Variants in FGF13 observed in about 807,000 individuals in gnomAD.
FGF13 encodes the protein fibroblast growth factor 13, also known as fibroblast growth factor homologous factor 2.
In FGF13, 2 loss-of-function variants were observed where a neutral mutation model predicts 19.5. The ratio of observed to expected loss-of-function variants is 0.10; its 90% confidence interval spans 0.04 to 0.32. The LOEUF is 0.32. FGF13 is among the 10% of genes least tolerant of loss of function. The probability of loss-of-function intolerance (pLI) is 1.00; values close to 1 mark genes in which losing one functional copy is unlikely to be tolerated. For synonymous variants in FGF13, 72 were observed against 76.9 expected, an observed-to-expected ratio of 0.94 and a Z score of 0.33; for missense variants, 113 against 192.7, an observed-to-expected ratio of 0.59 and a Z score of 2.45.
intron 1 of FGF13, among the ~76,000 whole-genome samples, chrX:139,158,774 T>A (rs6654361): frequency 0.12 from 13,010 of 110,519 alleles, 1,287 homozygotes; most frequent in African/African-American, 0.33. Context: ...AGAAGATTAT[T>A]GAAACAAGAA....
Position 138,747,309 on chromosome X carries a change from C to T in FGF13, c.218-38381G>A, listed in dbSNP as rs762211202. On this transcript the variant is annotated intron_variant, in intron 3 of 6. Coordinates refer to the FGF13 transcript ENST00000436198. ...GAGTCAAAGTGCATCTCACAGCAATCGCTTTTTTCATGATTTTCTTCATTG... is the reference window on the plus strand; with the variant it reads ...GAGTCAAAGTGCATCTCACAGCAATTGCTTTTTTCATGATTTTCTTCATTG... Among the ~76,000 whole-genome samples, 7 of 111,307 alleles carry T rather than the reference C, an allele frequency of 6.3e-5. No individual in the cohort carries two copies. The South Asian group carries it at 1.5e-3, about 25-fold the overall frequency.
intron 1 of FGF13, among the ~76,000 whole-genome samples, chrX:139,103,585 A>T (rs2083533121): frequency 1.8e-5 from 2 of 112,090 alleles, no homozygotes; most frequent in Non-Finnish European, 3.8e-5. Context: ...CTTTTTTGAC[A>T]TGTTAATGTT....
intron 1 of FGF13, among the ~76,000 whole-genome samples, chrX:139,064,447 C>G (rs1430817976): frequency 1.2e-5 from 1 of 80,948 alleles, no homozygotes; most frequent in Non-Finnish European, 2.3e-5. Context: ...GGACTACAGG[C>G]GCCCGCCACC....
chrX:138,970,034 G>A (rs780323394), intron 1 of FGF13, among the ~76,000 whole-genome samples: 1 of 111,739 alleles, frequency 8.9e-6, no homozygotes, highest in Non-Finnish European at 1.9e-5. Flanking sequence ...TACAGCTAAC[G>A]TTATAATGCC....
intron 1 of FGF13, among the ~76,000 whole-genome samples, chrX:139,078,291 A>G (rs2083345758): frequency 1.8e-5 from 2 of 110,065 alleles, no homozygotes; most frequent in Admixed American, 2.0e-4. Flanking sequence ...CAAGCATGCT[A>G]ACACTTCTGT....
intron 1 of FGF13, among the ~76,000 whole-genome samples, chrX:139,201,066 G>A (rs1484261093): frequency 5.4e-5 from 6 of 112,148 alleles, no homozygotes; most frequent in Non-Finnish European, 1.1e-4. Context: ...CACAAAAGGC[G>A]ACTGGCTGCA....
intron 1 of FGF13, among the ~76,000 whole-genome samples, chrX:138,927,221 G>T (rs1042693015): frequency 1.8e-5 from 2 of 111,861 alleles, no homozygotes; most frequent in African/African-American, 6.5e-5. Context: ...ATGAATAAAT[G>T]AATGTAGAAC....
intron 1 of FGF13, among the ~76,000 whole-genome samples, chrX:138,886,243 C>A (rs935186522): frequency 5.4e-5 from 6 of 111,856 alleles, no homozygotes; most frequent in African/African-American, 1.6e-4. Flanking sequence ...CTACCCCCAC[C>A]CCAATGAGCT....
intron 1 of FGF13, among the ~76,000 whole-genome samples, chrX:139,038,937 CACTT>C (rs1451303959): frequency 2.7e-5 from 3 of 111,882 alleles, no homozygotes; most frequent in African/African-American, 9.7e-5. Flanking sequence ...ACATTTTTCT[CACTT>C]AATCATTAGA....
chrX:138,677,693 C>G (rs372899959), intron 3 of FGF13, among the ~76,000 whole-genome samples: 4,956 of 108,383 alleles, frequency 0.046, 100 homozygotes, highest in African/African-American at 0.054. Flanking sequence ...GTGCTGGAGA[C>G]GATGTGGAGA....
chrX:138,839,309 A>C (rs2091133787), intron 3 of FGF13, among the ~76,000 whole-genome samples: 1 of 110,545 alleles, frequency 9.0e-6, no homozygotes, highest in Admixed American at 9.7e-5. Context: ...AAAATTTTCC[A>C]CTCTATGGTA....
upstream of FGF13, among the ~76,000 whole-genome samples, chrX:138,743,387 G>A (rs2090332676): frequency 8.9e-6 from 1 of 111,777 alleles, no homozygotes; most frequent in African/African-American, 3.3e-5. Context: ...TGGTGGGGAA[G>A]GAGGGATGAA....
intron 1 of FGF13, among the ~76,000 whole-genome samples, chrX:139,109,924 C>A (rs910561594): frequency 1.8e-5 from 2 of 111,465 alleles, no homozygotes; most frequent in East Asian, 5.7e-4. Flanking sequence ...TGGCACACAC[C>A]TATTTTCAAT....
chrX:138,639,995 T>TA (rs796285784), intron 3 of FGF13, among the ~76,000 whole-genome samples: 92 of 100,985 alleles, frequency 9.1e-4, no homozygotes, highest in Admixed American at 1.1e-3. Context: ...TCCATCTCAA[T>TA]AAAAAAAAAA....
intron 1 of FGF13, among the ~76,000 whole-genome samples, chrX:138,998,655 C>T (rs780786000): frequency 2.3e-4 from 26 of 111,764 alleles, no homozygotes; most frequent in African/African-American, 6.8e-4. Flanking sequence ...TATATATGCA[C>T]CCAATACAGG....
intron 1 of FGF13, among the ~76,000 whole-genome samples, chrX:138,957,145 G>A (rs1483145306): frequency 9.0e-6 from 1 of 111,716 alleles, no homozygotes; most frequent in Admixed American, 9.5e-5. Context: ...CAGAATTAGA[G>A]AAATCATCAA....
chrX:138,788,356 G>T (rs754921103), intron 3 of FGF13, among the ~76,000 whole-genome samples: 1 of 112,240 alleles, frequency 8.9e-6, no homozygotes, highest in Non-Finnish European at 1.9e-5. Flanking sequence ...TGAGATGGAG[G>T]TCTCGTCTCC....
Position 138,919,215 on chromosome X carries a change from G to A in FGF13, c.-112-54565C>T, listed in dbSNP as rs189396961. On this transcript the variant is annotated intron_variant, in intron 1 of 2. Coordinates refer to the FGF13 transcript ENST00000421460. The stretch of plus-strand genomic sequence containing the variant: ...GGACAACATTTGTGGTATATTTAAC[G>A]AGGATTAGTGCTAATAATTTAAAAA... 1.5e-3 allele frequency among the ~76,000 whole-genome samples: 169 copies of A among 111,483 alleles called. 1 individual carries two copies. Among genetic ancestry groups the A allele is most frequent in the African/African-American group, 5.3e-3 (162 of 30,689 alleles).
rs777592097 is a variant in FGF13 at position 139,027,720 on chromosome X, A to G, written c.-112-163070T>C. On this transcript the variant is annotated intron_variant, in intron 1 of 2. Transcript: ENST00000421460. The stretch of plus-strand genomic sequence containing the variant: ...AGAGATACATCTGTAAACACGCTAA[A>G]TAAAAGGTCAAAGGCCTTTTGTGCT... Among the ~76,000 whole-genome samples, 90 of 111,713 alleles carry G rather than the reference A, an allele frequency of 8.1e-4. 1 individual carries two copies. Among genetic ancestry groups the G allele is most frequent in the African/African-American group, 2.8e-3 (86 of 30,830 alleles).
Sources: allele counts gnomAD v4.1 joint callset (sites outside exome capture counted in the v4.1 genomes callset), GRCh38; gene constraint gnomAD v4.1.1; transcripts MANE v1.5; gene names NCBI Gene and HGNC (gene_info 2026-07-23, HGNC 2026-07-21).